Variants in MAPK14 observed in about 807,000 individuals in gnomAD.
The protein encoded by MAPK14 is CSAID-binding protein.
MAPK14 carries 16 observed loss-of-function variants against 49.6 expected under a neutral mutation model. The observed-to-expected ratio is 0.32, with a 90% CI of 0.22 to 0.49. The LOEUF is 0.49. MAPK14 is among the 20% of genes least tolerant of loss of function. The pLI, the probability that MAPK14 is intolerant of heterozygous loss-of-function variation, is 0.99. For synonymous variants in MAPK14, 142 were observed against 158.0 expected (o/e 0.90, Z 0.76); for missense variants, 200 against 441.2 (o/e 0.45, Z 4.90).
chr6:36,108,303 G>A, intron 11 of MAPK14, 77 bp from the exon 12 acceptor site: 2 of 1,071,464 alleles, frequency 1.9e-6, no homozygotes, highest in Non-Finnish European at 2.9e-6. Context: ...AGGATCTTGA[G>A]CTTAGAAGTC....
intron 1 of MAPK14, among the ~76,000 whole-genome samples, chr6:36,043,477 G>A (rs893136243): frequency 5.9e-5 from 9 of 152,128 alleles, no homozygotes; most frequent in African/African-American, 2.2e-4. Flanking sequence ...CAGAGCATCC[G>A]CTTCAGAGCA....
chr6:36,065,214 T>C (rs958206080), intron 3 of MAPK14, among the ~76,000 whole-genome samples: 1 of 152,238 alleles, frequency 6.6e-6, no homozygotes, highest in African/African-American at 2.4e-5. Context: ...TCCCTTTCTT[T>C]GTAAGCTGTG....
chr6:36,088,991 C>G (rs530253971), intron 8 of MAPK14, among the ~76,000 whole-genome samples: 37 of 152,218 alleles, frequency 2.4e-4, no homozygotes, highest in Middle Eastern at 6.8e-3. Flanking sequence ...TTGTGGAAGA[C>G]TGGTGAAATC....
intron 3 of MAPK14, among the ~76,000 whole-genome samples, chr6:36,065,233 C>T (rs771608253): frequency 1.3e-5 from 2 of 152,178 alleles, no homozygotes; most frequent in East Asian, 1.9e-4. Flanking sequence ...TGTTCAAGCA[C>T]GGAGTTTGTT....
intron 8 of MAPK14, among the ~76,000 whole-genome samples, chr6:36,077,596 T>C (rs900243584): frequency 2.6e-5 from 4 of 152,188 alleles, no homozygotes; most frequent in African/African-American, 9.7e-5. Context: ...TCATGATATC[T>C]ACCCACGTGT....
At chr6:36,073,624 A>G in intron 4 of MAPK14, 67 bp from the exon 5 acceptor site, 1 of 1,272,612 alleles carries the variant, frequency 7.9e-7, no homozygotes, top group Non-Finnish European at 1.1e-6. Context: ...GAAAATGTGC[A>G]GCAAATATGT....
Position 36,059,431 on chromosome 6 carries a change from A to T in MAPK14, c.305+84A>T, listed in dbSNP as rs70965451. ...TTCTATTCCTGAACCATTTAGCAAC[A>T]TATAGACTTCAAAAAATTCTTTATT... On this transcript the variant is annotated intron_variant, in intron 3 of 11. Coordinates refer to ENST00000229794, the MANE Select transcript of MAPK14 (RefSeq NM_139012.3). The T allele has an allele frequency of 5.1e-6, 5 of 980,732 alleles. No homozygotes were observed. The Admixed American group carries it at 9.7e-5, about 19-fold the overall frequency. 60.8% of individuals were successfully genotyped at this position (980,732 alleles called of 1,614,324 possible).
chr6:36,052,579 T>C (rs1485069610), intron 1 of MAPK14, 120 bp from the exon 2 acceptor site: 4 of 859,420 alleles, frequency 4.7e-6, no homozygotes, highest in African/African-American at 3.5e-5. Context: ...TTTTTATCTT[T>C]ATGCTTTTTT....
chr6:36,120,543 C>G, the MAPK14 span, among the ~76,000 whole-genome samples: 3 of 152,010 alleles, frequency 2.0e-5, no homozygotes, highest in African/African-American at 7.3e-5. Flanking sequence ...CACCATGATG[C>G]TGGAAACTTT....
At position 36,104,085 on chromosome 6, in the gene MAPK14, T is replaced by C. The variant is rs148362900; in HGVS notation, c.841+1436T>C. Among the ~76,000 whole-genome samples the C allele has an allele frequency of 1.4e-4, 21 of 152,322 alleles. No individual in the cohort carries two copies. The East Asian group carries it at 3.3e-3, about 24-fold the overall frequency. ...TTTAGTGTCGCTGTGATAATTCTTA[T>C]AATAGCAGAGATACTCACGCTCTTT... On this transcript the variant is annotated intron_variant, in intron 10 of 11. Coordinates refer to ENST00000229794, the MANE Select transcript of MAPK14 (RefSeq NM_139012.3).
rs1764364858 is a variant in MAPK14, at chr6:36,072,891, C to T, written c.324C>T (p.Leu108=). 1.2e-6 allele frequency: 2 copies of T among 1,607,312 alleles called. No individual in the cohort carries two copies. Among genetic ancestry groups the T allele is most frequent in the Non-Finnish European group, 1.7e-6 (2 of 1,175,672 alleles). Residue 108 remains leucine, a synonymous_variant, in exon 4 of 12, where the codon CTC becomes CTT. Coordinates refer to ENST00000229794, the MANE Select transcript of MAPK14 (RefSeq NM_139012.3). ...EFNDVYLVTH[L]MGADLNNIVK... Reference sequence around the variant, plus strand: ...TTTCTAGGTATCTGGTGACCCATCTCATGGGGGCAGATCTGAACAACATTG... The same window carrying T: ...TTTCTAGGTATCTGGTGACCCATCTTATGGGGGCAGATCTGAACAACATTG...
At chr6:36,053,723 T>A (rs77061145) in intron 2 of MAPK14, among the ~76,000 whole-genome samples, 2,652 of 152,290 alleles carry the variant, frequency 0.017, 78 homozygotes, top group African/African-American at 0.06. Flanking sequence ...ATTTGACTAT[T>A]TAGACTGTTT....
chr6:36,086,467 G>A (rs1581818693), intron 8 of MAPK14, among the ~76,000 whole-genome samples: 1 of 152,072 alleles, frequency 6.6e-6, no homozygotes, highest in East Asian at 1.9e-4. Context: ...TGATAAAGGG[G>A]GTATCACCAC....
chr6:36,038,584 C>T (rs1447600058), intron 1 of MAPK14, among the ~76,000 whole-genome samples: 1 of 152,138 alleles, frequency 6.6e-6, no homozygotes, highest in African/African-American at 2.4e-5. Context: ...CTTACCCATT[C>T]TACCCTAAAC....
intron 1 of MAPK14, among the ~76,000 whole-genome samples, chr6:36,041,705 C>T (rs1762966980): frequency 6.6e-6 from 1 of 152,056 alleles, no homozygotes; most frequent in Non-Finnish European, 1.5e-5. Context: ...AACCAATTTA[C>T]CTGAAGTTTT....
At chr6:36,035,082 A>G (rs942208404) in intron 1 of MAPK14, among the ~76,000 whole-genome samples, 2 of 151,992 alleles carry the variant, frequency 1.3e-5, no homozygotes, top group South Asian at 2.1e-4. Flanking sequence ...TATTTTTAGT[A>G]GAGATGGGGT....
chr6:36,033,600 C>A (rs1446813415), intron 1 of MAPK14, among the ~76,000 whole-genome samples: 1 of 152,190 alleles, frequency 6.6e-6, no homozygotes, highest in East Asian at 1.9e-4. Flanking sequence ...CAGGAATGAG[C>A]CACCACACCC....
At chr6:36,065,317 A>G (rs1240842029) in intron 3 of MAPK14, among the ~76,000 whole-genome samples, 2 of 152,208 alleles carry the variant, frequency 1.3e-5, no homozygotes, top group African/African-American at 4.8e-5. Context: ...AAGAATTGCC[A>G]TTATAGGGCA....
the MAPK14 span, among the ~76,000 whole-genome samples, chr6:36,118,206 G>A: frequency 2.0e-5 from 3 of 152,172 alleles, no homozygotes; most frequent in Non-Finnish European, 4.4e-5. Flanking sequence ...CCATCCATCT[G>A]CCACTTTAAA....
Sources: allele counts gnomAD v4.1 joint callset (sites outside exome capture counted in the v4.1 genomes callset), GRCh38; gene constraint gnomAD v4.1.1; transcripts MANE v1.5; gene names NCBI Gene and HGNC (gene_info 2026-07-23, HGNC 2026-07-21).